The following CDH13 variants were observed in gnomAD, a reference collection of about 807,000 sequenced individuals.
CDH13 encodes cadherin-13.
CDH13 carries 24 observed loss-of-function variants against 63.8 expected under a neutral mutation model. The ratio of observed to expected loss-of-function variants is 0.38; its 90% CI spans 0.27 to 0.53. CDH13 has a LOEUF of 0.53. Ranked by LOEUF, CDH13 falls within the 20% of genes least tolerant of loss-of-function variation. The probability of loss-of-function intolerance (pLI) is 0.85; values close to 1 mark genes in which losing one functional copy is unlikely to be tolerated. For synonymous variants in CDH13, 503 were observed against 355.3 expected, an observed-to-expected ratio of 1.42 and a Z score of -4.67; for missense variants, 1,049 against 903.1, an observed-to-expected ratio of 1.16 and a Z score of -2.07.
chr16:83,665,049 A>C (rs534250297), intron 8 of CDH13, among the ~76,000 whole-genome samples: 2 of 152,194 alleles, frequency 1.3e-5, no homozygotes, highest in Non-Finnish European at 2.9e-5. Flanking sequence ...GAAGAAAACC[A>C]GATATCTAAT....
intron 2 of CDH13, among the ~76,000 whole-genome samples, chr16:82,916,537 G>A (rs578155543): frequency 6.6e-6 from 1 of 151,850 alleles, no homozygotes; most frequent in South Asian, 2.1e-4. Context: ...TCGCGCCACA[G>A]CACTCCAGCC....
intron 6 of CDH13, among the ~76,000 whole-genome samples, chr16:83,389,436 C>G (rs1421989617): frequency 6.6e-6 from 1 of 152,162 alleles, no homozygotes; most frequent in Admixed American, 6.5e-5. Flanking sequence ...ACCCCGAATT[C>G]CAATTTACAG....
intron 2 of CDH13, among the ~76,000 whole-genome samples, chr16:82,969,189 C>T (rs1031243918): frequency 6.6e-6 from 1 of 152,124 alleles, no homozygotes; most frequent in Admixed American, 6.5e-5. Flanking sequence ...AAACCAAAGG[C>T]CAGCAAACTT....
chr16:83,494,270 T>G (rs781322508), intron 7 of CDH13, among the ~76,000 whole-genome samples: 24 of 152,214 alleles, frequency 1.6e-4, no homozygotes, highest in Non-Finnish European at 3.1e-4. Flanking sequence ...AGCTAAAGAA[T>G]GTTTTCATTT....
intron 5 of CDH13, among the ~76,000 whole-genome samples, chr16:83,343,016 A>G (rs554551155): frequency 1.3e-5 from 2 of 152,108 alleles, no homozygotes; most frequent in East Asian, 3.9e-4. Context: ...ATAAAAGTAT[A>G]AAATTTCACT....
intron 7 of CDH13, among the ~76,000 whole-genome samples, chr16:83,541,640 A>G (rs145660879): frequency 6.6e-6 from 1 of 152,360 alleles, no homozygotes; most frequent in African/African-American, 2.4e-5. Context: ...GTCTAGAGGA[A>G]GGCACAGCCC....
chr16:83,622,760 G>C (rs1343973440), intron 8 of CDH13, among the ~76,000 whole-genome samples: 7 of 152,204 alleles, frequency 4.6e-5, no homozygotes, highest in Admixed American at 4.6e-4. Flanking sequence ...GTGAGATAAT[G>C]TGCTTCTTCA....
intron 6 of CDH13, among the ~76,000 whole-genome samples, chr16:83,473,465 C>G (rs1047579481): frequency 1.3e-5 from 2 of 152,226 alleles, no homozygotes; most frequent in Admixed American, 6.5e-5. Flanking sequence ...CACCAGCACC[C>G]TGAAACCTCC....
intron 5 of CDH13, among the ~76,000 whole-genome samples, chr16:83,232,105 G>A (rs112793585): frequency 3.4e-3 from 516 of 151,288 alleles, no homozygotes; most frequent in African/African-American, 0.012. Flanking sequence ...TGGGTGCTAG[G>A]CTTAATACCT....
chr16:83,452,479 A>G (rs2072910782), intron 6 of CDH13, among the ~76,000 whole-genome samples: 1 of 152,090 alleles, frequency 6.6e-6, no homozygotes, highest in Non-Finnish European at 1.5e-5. Context: ...TTTAAGGACA[A>G]AGGCTTTTAT....
chr16:83,457,681 G>A (rs1238947067), intron 6 of CDH13, among the ~76,000 whole-genome samples: 1 of 152,036 alleles, frequency 6.6e-6, no homozygotes, highest in Non-Finnish European at 1.5e-5. Flanking sequence ...TGAAAGACAG[G>A]GAACCAGCAG....
At chr16:83,017,560 A>G (rs777802073) in intron 2 of CDH13, among the ~76,000 whole-genome samples, 7 of 152,154 alleles carry the variant, frequency 4.6e-5, no homozygotes, top group Non-Finnish European at 1.0e-4. Context: ...TTTCTCCCCT[A>G]CCTTCATGAT....
chr16:83,270,237 C>G (rs151158110), intron 5 of CDH13, among the ~76,000 whole-genome samples: 232 of 152,246 alleles, frequency 1.5e-3, no homozygotes, highest in Admixed American at 4.7e-3. Flanking sequence ...TGTTTGATGA[C>G]TCTCTTAGTG....
chr16:83,650,527 A>T (rs551090938), intron 8 of CDH13, among the ~76,000 whole-genome samples: 52 of 152,320 alleles, frequency 3.4e-4, no homozygotes, highest in Non-Finnish European at 5.4e-4. Flanking sequence ...TAGCTGGATT[A>T]GTGGTTCTCA....
chr16:83,134,752 C>T (rs761793280), intron 4 of CDH13, among the ~76,000 whole-genome samples: 36 of 152,192 alleles, frequency 2.4e-4, no homozygotes, highest in Non-Finnish European at 5.0e-4. Context: ...GTTCACCATT[C>T]GCAAGTGTTG....
chr16:83,456,230 A>C (rs955688018), intron 6 of CDH13, among the ~76,000 whole-genome samples: 2 of 152,242 alleles, frequency 1.3e-5, no homozygotes, highest in African/African-American at 4.8e-5. Flanking sequence ...CCAGACAAAA[A>C]TAAGGATGTC....
At chr16:83,210,365 G>A (rs1408987035) in intron 4 of CDH13, among the ~76,000 whole-genome samples, 4 of 151,754 alleles carry the variant, frequency 2.6e-5, no homozygotes, top group Non-Finnish European at 2.9e-5. Flanking sequence ...GTGCCAGGCC[G>A]ATTGCAAGTT....
intron 10 of CDH13, among the ~76,000 whole-genome samples, chr16:83,722,534 C>T (rs1301008632): frequency 1.3e-5 from 2 of 152,318 alleles, no homozygotes; most frequent in East Asian, 1.9e-4. Flanking sequence ...TTCAAGCTTT[C>T]CCCACCTCCA....
intron 7 of CDH13, among the ~76,000 whole-genome samples, chr16:83,531,213 T>C (rs2075075984): frequency 1.3e-5 from 2 of 152,228 alleles, no homozygotes; most frequent in Non-Finnish European, 2.9e-5. Context: ...CTTGACTTTG[T>C]CTGTTTACAT....
Sources: gnomAD v4.1 joint callset for allele counts (sites outside exome capture counted in the v4.1 genomes callset) on GRCh38, gnomAD v4.1.1 for gene constraint, MANE v1.5 for transcripts, NCBI Gene and HGNC (gene_info 2026-07-23, HGNC 2026-07-21) for gene names.